FREM1: variants seen among roughly 807,000 people sequenced by gnomAD.
FREM1 encodes FRAS1-related extracellular matrix protein 1.
Under a neutral mutation model 210.1 loss-of-function variants are expected in FREM1, and 220 were observed. The observed-to-expected ratio is 1.05, with a 90% confidence interval of 0.94 to 1.17. The LOEUF (loss-of-function observed/expected upper bound fraction) is 1.17, where lower values mean the gene tolerates loss of function less well. FREM1 is among the 50% of genes most tolerant of loss of function. FREM1 has a pLI of 0.00. For missense variants in FREM1, 3,454 were observed against 2,675.5 expected (o/e 1.29, Z -6.42); for synonymous variants, 1,189 against 980.2 (o/e 1.21, Z -3.98).
chr9:14,791,926 C>T lies in FREM1; in HGVS notation c.3981+817G>A, dbSNP rs988732698. Among the ~76,000 whole-genome samples, 34 of 150,712 alleles carry T rather than the reference C, an allele frequency of 2.3e-4. 1 individual carries two copies. The highest frequency in any genetic ancestry group is 5.7e-4 in the African/African-American group (23 of 40,212). On this transcript the variant is annotated intron_variant, in intron 22 of 36. Coordinates refer to ENST00000380880, the MANE Select transcript of FREM1 (RefSeq NM_001379081.2). ...CAGCTCACTGCAACCTCTCCCCCCT[C>T]TCCCGGGTTCAAGTAATTCTCCTGC...
intron 25 of FREM1, among the ~76,000 whole-genome samples, chr9:14,772,061 T>A (rs914499093): frequency 6.6e-6 from 1 of 151,934 alleles, no homozygotes; most frequent in Non-Finnish European, 1.5e-5. Flanking sequence ...CATGAGAAAT[T>A]TTGTCACAAC....
chr9:14,804,776 C>T (rs1324307056), intron 19 of FREM1, among the ~76,000 whole-genome samples, 180 bp downstream of exon 19: 4 of 151,964 alleles, frequency 2.6e-5, no homozygotes, highest in African/African-American at 7.3e-5. Flanking sequence ...ATCCATGTGC[C>T]AACAAAAGAG....
chr9:14,806,551 G>A (rs944023351), intron 18 of FREM1, 110 bp downstream of exon 18: 1 of 706,900 alleles, frequency 1.4e-6, no homozygotes, highest in Non-Finnish European at 2.4e-6. Context: ...ACCACGCCCG[G>A]TGCTTTAAAC....
chr9:14,783,164 T>C (rs1849893836), intron 24 of FREM1, among the ~76,000 whole-genome samples: 1 of 152,252 alleles, frequency 6.6e-6, no homozygotes, highest in African/African-American at 2.4e-5. Flanking sequence ...TTTGTTTTGT[T>C]GGATTATCCA....
At chr9:14,878,074 G>A (rs988257479) in intron 1 of FREM1, among the ~76,000 whole-genome samples, 1 of 152,000 alleles carries the variant, frequency 6.6e-6, no homozygotes, top group Non-Finnish European at 1.5e-5. Flanking sequence ...TTTCCTCTAG[G>A]CATTTCTCGG....
At chr9:14,799,658 G>GA (rs1853137778) in intron 20 of FREM1, among the ~76,000 whole-genome samples, 1 of 150,658 alleles carries the variant, frequency 6.6e-6, no homozygotes, top group Non-Finnish European at 1.5e-5. Context: ...GGTCAAATTT[G>GA]AAAAAAAAAT....
chr9:14,833,650 G>C (rs377316535), intron 10 of FREM1, among the ~76,000 whole-genome samples: 15 of 152,190 alleles, frequency 9.9e-5, no homozygotes, highest in Admixed American at 3.3e-4. Context: ...GCTTGGTGTA[G>C]CTAAAGTCAA....
chr9:14,873,438 T>C (rs1322168998), intron 1 of FREM1, among the ~76,000 whole-genome samples: 1 of 152,252 alleles, frequency 6.6e-6, no homozygotes, highest in Non-Finnish European at 1.5e-5. Context: ...TTCTTCGATA[T>C]TTTCTAGTTT....
intron 1 of FREM1, among the ~76,000 whole-genome samples, chr9:14,886,399 A>G (rs1247912333): frequency 1.3e-5 from 2 of 150,912 alleles, no homozygotes; most frequent in African/African-American, 4.8e-5. Flanking sequence ...AAAAAAAAAA[A>G]AAAAAAAAAG....
Position 14,789,174 on chromosome 9 carries a change from T to C in FREM1, c.3982-60A>G. ...TTTTTTCTTTTCCCCCAACGTACGT[T>C]AGTGGACATTTTCTGTATCCCCTAA... On this transcript the variant is annotated intron_variant, in intron 22 of 36. Coordinates refer to ENST00000380880, the MANE Select transcript of FREM1 (RefSeq NM_001379081.2). 2.7e-6 allele frequency: 3 copies of C among 1,098,626 alleles called. No homozygotes were observed. The South Asian group carries it at 5.9e-5, about 22-fold the overall frequency. The allele number at this position is 1,098,626 out of a possible 1,614,324, so 68.1% of individuals were successfully genotyped here. A position where few individuals can be genotyped will look rare whatever the true frequency, so the allele number is the denominator to read the frequency against.
At chr9:14,848,174 A>G (rs1027120493) in intron 7 of FREM1, among the ~76,000 whole-genome samples, 4 of 152,358 alleles carry the variant, frequency 2.6e-5, no homozygotes. Context: ...CAACATATAC[A>G]TATATATATC....
chr9:14,860,363 G>A (rs956051384), intron 3 of FREM1, among the ~76,000 whole-genome samples: 4 of 151,766 alleles, frequency 2.6e-5, no homozygotes, highest in African/African-American at 9.7e-5. Context: ...CAAATGTGCT[G>A]AAGACCAAGA....
chr9:14,861,556 G>C (rs565151870), intron 3 of FREM1, among the ~76,000 whole-genome samples: 3 of 145,904 alleles, frequency 2.1e-5, no homozygotes, highest in Non-Finnish European at 4.5e-5. Context: ...GCCCAGGCTG[G>C]AGTGCAGTGC....
chr9:14,787,362 T>C (rs1850582818), intron 23 of FREM1, among the ~76,000 whole-genome samples: 1 of 152,210 alleles, frequency 6.6e-6, no homozygotes, highest in Admixed American at 6.5e-5. Context: ...AAAATGTTAA[T>C]AGGATAATGT....
intron 25 of FREM1, among the ~76,000 whole-genome samples, chr9:14,771,034 CAATTT>C (rs1397685243): frequency 6.6e-6 from 1 of 152,152 alleles, no homozygotes; most frequent in Non-Finnish European, 1.5e-5. Flanking sequence ...TCCACTTTAT[CAATTT>C]GTCTATTGCT....
intron 1 of FREM1, among the ~76,000 whole-genome samples, chr9:14,898,761 A>T (rs1169513912): frequency 6.6e-6 from 1 of 152,200 alleles, no homozygotes; most frequent in Non-Finnish European, 1.5e-5. Context: ...AACAAAACAT[A>T]GAATGTACAA....
At chr9:14,757,363 T>C (rs1317146390) in intron 28 of FREM1, among the ~76,000 whole-genome samples, 8 of 152,162 alleles carry the variant, frequency 5.3e-5, no homozygotes. Context: ...AAGACCAACC[T>C]GGCCAACATG....
At chr9:14,755,226 G>A (rs1844103103) in intron 29 of FREM1, among the ~76,000 whole-genome samples, 1 of 152,208 alleles carries the variant, frequency 6.6e-6, no homozygotes, top group Admixed American at 6.5e-5. Flanking sequence ...AACTAACACA[G>A]TCCTCAAGCA....
chr9:14,808,097 A>G lies in FREM1; in HGVS notation c.2931T>C (p.Ile977=). 6.2e-7 allele frequency: 1 copy of G among 1,612,512 alleles called. No individual in the cohort carries two copies. The highest frequency in any genetic ancestry group is 8.5e-7 in the Non-Finnish European group (1 of 1,179,080). ...EIGLMPCFDT[I]TLVVSDGEAG... ...CCTCTCCATCCGAAACCACCAATGT[A>G]ATGGTGTCAAAACAAGGCATCAGGC... The change falls in exon 17 of 37, where the codon ATT becomes ATC. Residue 977 remains isoleucine (I), a synonymous_variant. Coordinates refer to ENST00000380880, the MANE Select transcript of FREM1 (RefSeq NM_001379081.2).
Sources: allele counts gnomAD v4.1 joint callset (sites outside exome capture counted in the v4.1 genomes callset), GRCh38; gene constraint gnomAD v4.1.1; transcripts MANE v1.5; gene names NCBI Gene and HGNC (gene_info 2026-07-23, HGNC 2026-07-21).